Variants in PCGF5 observed in about 807,000 individuals in gnomAD.
PCGF5 encodes polycomb group RING finger protein 5.
Under a neutral mutation model 44.3 loss-of-function variants are expected in PCGF5, and 9 were observed. The observed-to-expected ratio is 0.20, with a 90% CI of 0.12 to 0.35. The LOEUF (loss-of-function observed/expected upper bound fraction) is 0.35. PCGF5 is among the 10% of genes least tolerant of loss of function. PCGF5 has a pLI of 1.00. For synonymous variants in PCGF5, 95 were observed against 102.5 expected (o/e 0.93, Z 0.44); for missense variants, 146 against 305.3 (o/e 0.48, Z 3.89).
chr10:91,267,877 A>T (rs186163186), intron 8 of PCGF5, among the ~76,000 whole-genome samples: 23 of 152,200 alleles, frequency 1.5e-4, no homozygotes, highest in Admixed American at 9.2e-4. Context: ...TTATTTCCTA[A>T]ACTAATGACC....
chr10:91,221,714 T>A (rs1564638073), intron 1 of PCGF5, among the ~76,000 whole-genome samples: 1 of 133,692 alleles, frequency 7.5e-6, no homozygotes, highest in Non-Finnish European at 1.6e-5. Context: ...AGGATACATA[T>A]TTTACAGTTA....
intron 1 of PCGF5, among the ~76,000 whole-genome samples, chr10:91,174,087 A>G (rs1003154373): frequency 6.6e-6 from 1 of 150,946 alleles, no homozygotes; most frequent in Admixed American, 6.6e-5. Context: ...ATGCCACTTC[A>G]TATCTAACCT....
rs199846314 is a variant in PCGF5, at chr10:91,169,307, AAGAT to A, written c.-184+6229_-184+6232del. Among the ~76,000 whole-genome samples, 856 of 152,340 alleles carry A rather than the reference AAGAT, an allele frequency of 5.6e-3. 12 individuals are homozygous for A. The highest frequency in any genetic ancestry group is 0.019 in the African/African-American group (802 of 41,582). On this transcript the variant is annotated intron_variant, in intron 1 of 9. Coordinates refer to the PCGF5 transcript ENST00000614189. ...AATATGGCAAAATATAAAGAAATAAAAGATAGCCTGGTTGGAAAGGAAGAAATAA... is the reference window on the plus strand; with the variant it reads ...AATATGGCAAAATATAAAGAAATAAAAGCCTGGTTGGAAAGGAAGAAATAA...
intron 1 of PCGF5, among the ~76,000 whole-genome samples, chr10:91,188,438 A>G (rs1843966837): frequency 6.6e-6 from 1 of 152,246 alleles, no homozygotes; most frequent in African/African-American, 2.4e-5. Context: ...AGAAAATACA[A>G]TTTTATGTAT....
rs914019429 is a variant in PCGF5 at position 91,271,633 on chromosome 10, C to T, written c.664-5C>T. Reference sequence around the variant, plus strand: ...TCTTATCTGATGAGTTCATCTCCTCCGCAGTTTCGGTGTCTGAACTGCTCA... The same window carrying T: ...TCTTATCTGATGAGTTCATCTCCTCTGCAGTTTCGGTGTCTGAACTGCTCA... On this transcript the variant is annotated splice_polypyrimidine_tract_variant and splice_region_variant and intron_variant, in intron 8 of 9. Coordinates refer to ENST00000336126, the MANE Select transcript of PCGF5 (RefSeq NM_032373.5). 7 of 1,613,242 alleles carry T rather than the reference C, an allele frequency of 4.3e-6. No individual in the cohort carries two copies. The highest frequency in any genetic ancestry group is 2.2e-5 in the South Asian group (2 of 91,048).
chr10:91,163,804 C>T (rs910447792), intron 1 of PCGF5, among the ~76,000 whole-genome samples: 1 of 151,736 alleles, frequency 6.6e-6, no homozygotes, highest in Non-Finnish European at 1.5e-5. Flanking sequence ...CCTCCGCGCC[C>T]CCTGCGGGCG....
intron 2 of PCGF5, among the ~76,000 whole-genome samples, chr10:91,231,284 A>C (rs1342411981): frequency 6.6e-6 from 1 of 152,184 alleles, no homozygotes. Context: ...CAAACAACCT[A>C]GTAGGCAATA....
chr10:91,271,634 G>A lies in PCGF5; in HGVS notation c.664-4G>A, dbSNP rs374137704. 5 of 1,613,140 alleles carry A rather than the reference G, an allele frequency of 3.1e-6. No homozygotes were observed. The highest frequency in any genetic ancestry group is 4.2e-6 in the Non-Finnish European group (5 of 1,179,390). On this transcript the variant is annotated splice_polypyrimidine_tract_variant and splice_region_variant and intron_variant, in intron 8 of 9. Coordinates refer to ENST00000336126, the MANE Select transcript of PCGF5 (RefSeq NM_032373.5). ...CTTATCTGATGAGTTCATCTCCTCC[G>A]CAGTTTCGGTGTCTGAACTGCTCAG...
intron 2 of PCGF5, among the ~76,000 whole-genome samples, chr10:91,236,595 G>A (rs1192640462): frequency 6.6e-6 from 1 of 152,174 alleles, no homozygotes; most frequent in Non-Finnish European, 1.5e-5. Flanking sequence ...CAGCAGTTGA[G>A]CAGTTAGAGA....
chr10:91,177,427 C>T (rs974289006), intron 1 of PCGF5, among the ~76,000 whole-genome samples: 15 of 152,328 alleles, frequency 9.8e-5, no homozygotes, highest in African/African-American at 3.6e-4. Flanking sequence ...CTACTGTCTT[C>T]CAAGCTGTCA....
At chr10:91,185,417 A>G (rs550835056) in intron 1 of PCGF5, among the ~76,000 whole-genome samples, 3 of 152,302 alleles carry the variant, frequency 2.0e-5, no homozygotes, top group Admixed American at 1.3e-4. Flanking sequence ...GAACTGTGTC[A>G]CAGCTCCATG....
At chr10:91,257,793 C>T (rs188509995) in intron 6 of PCGF5, among the ~76,000 whole-genome samples, 1 of 152,084 alleles carries the variant, frequency 6.6e-6, no homozygotes, top group East Asian at 1.9e-4. Flanking sequence ...AGTGAAACTG[C>T]AGATAAGGAG....
chr10:91,177,169 C>T (rs1254370334), intron 1 of PCGF5, among the ~76,000 whole-genome samples: 2 of 152,220 alleles, frequency 1.3e-5, no homozygotes, highest in East Asian at 1.9e-4. Flanking sequence ...GCTGGAGGTC[C>T]ACTTCAGACC....
chr10:91,259,183 C>T (rs1156749387), intron 6 of PCGF5, among the ~76,000 whole-genome samples: 1 of 152,086 alleles, frequency 6.6e-6, no homozygotes, highest in Non-Finnish European at 1.5e-5. Flanking sequence ...GCACATTTTA[C>T]AAATGAGACA....
chr10:91,284,199 G>A lies in PCGF5; in HGVS notation c.*5883G>A, dbSNP rs1846523154. The A allele has an allele frequency of 6.6e-6, 1 of 151,838 alleles. No individual in the cohort carries two copies. The highest frequency in any genetic ancestry group is 1.5e-5 in the Non-Finnish European group (1 of 67,900). 9.4% of individuals were successfully genotyped at this position (151,838 alleles called of 1,614,324 possible). ...ACTTTTTTTTTTTAATCTGGACTTA[G>A]CCAAGTATATTTCACCATGTTAAAA... On this transcript the variant is annotated 3_prime_UTR_variant, in exon 10 of 10. Transcript: ENST00000336126.
chr10:91,246,964 TG>T (rs1845478471), intron 3 of PCGF5, among the ~76,000 whole-genome samples: 1 of 123,756 alleles, frequency 8.1e-6, no homozygotes, highest in African/African-American at 3.2e-5. Flanking sequence ...GATGGATAGA[TG>T]GATAGATAGA....
chr10:91,264,571 T>G (rs1846002264), intron 8 of PCGF5, 51 bp downstream of exon 8: 1 of 1,342,852 alleles, frequency 7.4e-7, no homozygotes, highest in Non-Finnish European at 1.0e-6. Context: ...TATACCATTA[T>G]GTTACTCAAA....
chr10:91,235,406 T>A (rs1845132133), intron 2 of PCGF5, among the ~76,000 whole-genome samples: 1 of 152,182 alleles, frequency 6.6e-6, no homozygotes, highest in Non-Finnish European at 1.5e-5. Flanking sequence ...AGTTTAATGA[T>A]GTTTGTGATG....
chr10:91,282,013 T>C lies in PCGF5; in HGVS notation c.*3697T>C, dbSNP rs1234950687. The C allele has an allele frequency of 6.6e-6, 1 of 152,198 alleles. No homozygotes were observed. Among genetic ancestry groups the C allele is most frequent in the African/African-American group, 2.4e-5 (1 of 41,442 alleles). 9.4% of individuals were successfully genotyped at this position (152,198 alleles called of 1,614,324 possible). On this transcript the variant is annotated 3_prime_UTR_variant, in exon 10 of 10. Transcript: ENST00000336126. ...GAGGCAGTGTTAACTAAAATTAAGC[T>C]TAGATTTAGCTCCTGTATTATTCAT...
Sources: allele counts gnomAD v4.1 joint callset (sites outside exome capture counted in the v4.1 genomes callset), GRCh38; gene constraint gnomAD v4.1.1; transcripts MANE v1.5; gene names NCBI Gene and HGNC (gene_info 2026-07-23, HGNC 2026-07-21).